BTBD9: variants seen among roughly 807,000 people sequenced by gnomAD.
BTBD9 encodes BTB domain containing 9.
A neutral mutation model predicts 64.3 loss-of-function variants in BTBD9; 49 were observed. The observed-to-expected ratio is 0.76, with a 90% CI of 0.61 to 0.97. The LOEUF (loss-of-function observed/expected upper bound fraction) is 0.97, where lower values mean the gene tolerates loss of function less well. BTBD9 is among the 50% of genes least tolerant of loss of function. BTBD9 has a pLI of 0.00. For synonymous variants in BTBD9, 260 were observed against 274.7 expected, an observed-to-expected ratio of 0.95 and a Z score of 0.53; for missense variants, 598 against 762.1, an observed-to-expected ratio of 0.78 and a Z score of 2.53.
chr6:38,295,221 G>C (rs1762114577), intron 7 of BTBD9, among the ~76,000 whole-genome samples: 1 of 152,146 alleles, frequency 6.6e-6, no homozygotes, highest in South Asian at 2.1e-4. Context: ...CTGGAGTGCA[G>C]TGGTACGATC....
chr6:38,631,536 C>T lies in BTBD9; in HGVS notation c.-28+8264G>A, dbSNP rs191198963. The stretch of plus-strand genomic sequence containing the variant: ...ATGGTTTCCTCCTTGCTCTCTCTTG[C>T]ATCACTTGCTCTGGATGAAGCTAGC... On this transcript the variant is annotated intron_variant, in intron 1 of 10. Coordinates refer to ENST00000481247, the MANE Select transcript of BTBD9 (RefSeq NM_001099272.2). 2.9e-3 allele frequency among the ~76,000 whole-genome samples: 435 copies of T among 152,314 alleles called. 7 individuals carry two copies. Among genetic ancestry groups the T allele is most frequent in the African/African-American group, 0.01 (417 of 41,572 alleles).
chr6:38,495,840 C>T (rs1350693175), intron 6 of BTBD9, among the ~76,000 whole-genome samples: 2 of 152,072 alleles, frequency 1.3e-5, no homozygotes. Flanking sequence ...ACAGAATATG[C>T]TCATGAATAA....
chr6:38,519,731 T>C lies in BTBD9; in HGVS notation c.1154+57869A>G, dbSNP rs545127219. Among the ~76,000 whole-genome samples, 4 of 152,288 alleles carry C rather than the reference T, an allele frequency of 2.6e-5. No individual in the cohort carries two copies. In the South Asian group the frequency reaches 8.3e-4, roughly 32 times the overall value. Reference sequence around the variant, plus strand: ...TCAGGAATAAGGAGTGAAAGAGTTTTGAGTTGTCTGAGTTGTCTCCAGCTC... The same window carrying C: ...TCAGGAATAAGGAGTGAAAGAGTTTCGAGTTGTCTGAGTTGTCTCCAGCTC... On this transcript the variant is annotated intron_variant, in intron 6 of 10. Transcript: ENST00000481247.
chr6:38,388,368 G>A (rs1265913833), intron 6 of BTBD9, among the ~76,000 whole-genome samples: 1 of 152,164 alleles, frequency 6.6e-6, no homozygotes, highest in East Asian at 1.9e-4. Context: ...AACATTAGGG[G>A]CTGTTTTGTT....
chr6:38,622,337 C>T (rs928708173), intron 1 of BTBD9, among the ~76,000 whole-genome samples: 1 of 152,166 alleles, frequency 6.6e-6, no homozygotes. Context: ...GGATAGAAGC[C>T]TTCCCCTGCA....
chr6:38,620,050 C>T (rs1188227062), intron 1 of BTBD9, among the ~76,000 whole-genome samples: 1 of 152,182 alleles, frequency 6.6e-6, no homozygotes, highest in Non-Finnish European at 1.5e-5. Context: ...AAGACCCCAC[C>T]ACTTTTCCTT....
intron 1 of BTBD9, among the ~76,000 whole-genome samples, chr6:38,627,866 T>C (rs959391801): frequency 6.6e-6 from 1 of 151,874 alleles, no homozygotes. Flanking sequence ...TTGACAGGAG[T>C]GAGACTCATG....
intron 4 of BTBD9, among the ~76,000 whole-genome samples, chr6:38,584,884 C>G (rs1033949035): frequency 2.6e-5 from 4 of 152,038 alleles, no homozygotes; most frequent in African/African-American, 9.7e-5. Flanking sequence ...CTCAAACATA[C>G]CACAGAATGG....
chr6:38,298,341 A>G (rs1471085660), intron 7 of BTBD9, among the ~76,000 whole-genome samples: 1 of 152,196 alleles, frequency 6.6e-6, no homozygotes, highest in Admixed American at 6.5e-5. Context: ...CCTGACCAAT[A>G]TAAAAGACCT....
chr6:38,324,550 T>C lies in BTBD9; in HGVS notation c.1264+20434A>G, dbSNP rs142080157. On this transcript the variant is annotated intron_variant, in intron 7 of 10. Transcript: ENST00000481247. ...CAGGGCCTGCTGAGCAGACAGACTA[T>C]GGCAACAGGGAGAAGAGGTGATGGT... Among the ~76,000 whole-genome samples, 81 of 152,248 alleles carry C rather than the reference T, an allele frequency of 5.3e-4. 1 individual carries two copies. Among genetic ancestry groups the C allele is most frequent in the African/African-American group, 1.9e-3 (77 of 41,548 alleles).
intron 6 of BTBD9, among the ~76,000 whole-genome samples, chr6:38,420,880 G>A (rs189830335): frequency 6.6e-6 from 1 of 151,712 alleles, no homozygotes; most frequent in East Asian, 1.9e-4. Context: ...TAACATCCTA[G>A]AATAACATAA....
At chr6:38,394,095 T>C (rs1766556215) in intron 6 of BTBD9, among the ~76,000 whole-genome samples, 2 of 152,144 alleles carry the variant, frequency 1.3e-5, no homozygotes, top group Admixed American at 6.5e-5. Context: ...TGAGAACCTA[T>C]GATGTGTTGT....
intron 6 of BTBD9, among the ~76,000 whole-genome samples, chr6:38,451,405 C>A (rs1052779609): frequency 2.0e-5 from 3 of 152,166 alleles, no homozygotes; most frequent in Non-Finnish European, 4.4e-5. Context: ...GTCTGATAAA[C>A]CTTGACTCAA....
intron 6 of BTBD9, among the ~76,000 whole-genome samples, chr6:38,421,122 C>T (rs1041225849): frequency 6.6e-6 from 1 of 151,770 alleles, no homozygotes; most frequent in South Asian, 2.1e-4. Context: ...TTTGGGAGGC[C>T]GAGGTGGATC....
rs16890811 is a variant in BTBD9 at position 38,552,180 on chromosome 6, C to T, written c.1154+25420G>A. On this transcript the variant is annotated intron_variant, in intron 6 of 10. Coordinates refer to ENST00000481247, the MANE Select transcript of BTBD9 (RefSeq NM_001099272.2). Reference sequence around the variant, plus strand: ...AGGATCAAGATGCAATTAAGGGCCTCTATCTTAAGTCCAATTCTGTATCTT... The same window carrying T: ...AGGATCAAGATGCAATTAAGGGCCTTTATCTTAAGTCCAATTCTGTATCTT... 1.3e-3 allele frequency among the ~76,000 whole-genome samples: 204 copies of T among 152,274 alleles called. 4 individuals carry two copies. The East Asian group carries it at 0.037, about 28-fold the overall frequency.
intron 6 of BTBD9, among the ~76,000 whole-genome samples, chr6:38,480,797 C>T (rs181687528): frequency 6.6e-6 from 1 of 152,236 alleles, no homozygotes; most frequent in African/African-American, 2.4e-5. Flanking sequence ...AGTTTTAGAT[C>T]CAGTGCCTAC....
At chr6:38,635,791 G>T (rs145296918) in intron 1 of BTBD9, among the ~76,000 whole-genome samples, 2 of 152,084 alleles carry the variant, frequency 1.3e-5, no homozygotes, top group Non-Finnish European at 2.9e-5. Flanking sequence ...TAACCAGACT[G>T]TTCTTTATAA....
intron 6 of BTBD9, among the ~76,000 whole-genome samples, chr6:38,538,423 G>A (rs984283265): frequency 6.6e-6 from 1 of 152,156 alleles, no homozygotes; most frequent in Non-Finnish European, 1.5e-5. Flanking sequence ...AGTATTCATT[G>A]TGATTTTAAT....
At chr6:38,624,077 C>CT (rs1321922396) in intron 1 of BTBD9, among the ~76,000 whole-genome samples, 1 of 152,100 alleles carries the variant, frequency 6.6e-6, no homozygotes, top group Non-Finnish European at 1.5e-5. Context: ...TGAGTGGGGA[C>CT]TTGGGGAAGT....
Sources: allele counts gnomAD v4.1 joint callset (sites outside exome capture counted in the v4.1 genomes callset), GRCh38; gene constraint gnomAD v4.1.1; transcripts MANE v1.5; gene names NCBI Gene and HGNC (gene_info 2026-07-23, HGNC 2026-07-21).